RARG: variants seen among roughly 807,000 people sequenced by gnomAD.
RARG encodes the protein RAR-gamma.
Under a neutral mutation model 43.7 loss-of-function variants are expected in RARG, and 17 were observed. The observed-to-expected ratio is 0.39, with a 90% CI of 0.27 to 0.58. RARG has a LOEUF of 0.58. RARG is among the 20% of genes least tolerant of loss of function. The pLI, the probability that RARG is intolerant of heterozygous loss-of-function variation, is 0.57. For missense variants in RARG, 346 were observed against 598.7 expected, an observed-to-expected ratio of 0.58 and a Z score of 4.40; for synonymous variants, 238 against 236.4, an observed-to-expected ratio of 1.01 and a Z score of -0.06.
intron 3 of RARG, among the ~76,000 whole-genome samples, chr12:53,218,483 T>C (rs1942841403): frequency 6.6e-6 from 1 of 152,090 alleles, no homozygotes. Flanking sequence ...CTCCCCATCC[T>C]ATTGGGCAAT....
intron 2 of RARG, among the ~76,000 whole-genome samples, chr12:53,230,832 AGTGCGT>A (rs1565733093): frequency 1.4e-5 from 2 of 138,844 alleles, no homozygotes; most frequent in Non-Finnish European, 3.1e-5. Context: ...TGTAGGCCAC[AGTGCGT>A]GTGTGTGTGT....
At position 53,213,022 on chromosome 12, in the gene RARG, T is replaced by C. The variant is rs1942648716; in HGVS notation, c.1177+63A>G. ...CTGTTCTTGTCTCTGTGTGTCCTCC[T>C]GTCCGACCTGGGAGACCAACAGCCC... On this transcript the variant is annotated intron_variant, in intron 9 of 9. Coordinates refer to ENST00000425354, the MANE Select transcript of RARG (RefSeq NM_000966.6). The surrounding 1 kb of genome is among the most constrained non-coding windows in gnomAD (Gnocchi z 4.7). 1.3e-6 allele frequency: 2 copies of C among 1,516,588 alleles called. No individual in the cohort carries two copies. The highest frequency in any genetic ancestry group is 1.9e-5 in the Admixed American group (1 of 51,922). The allele number at this position is 1,516,588 out of a possible 1,614,324, so 93.9% of individuals were successfully genotyped here. A position where few individuals can be genotyped will look rare whatever the true frequency, so the allele number is the denominator to read the frequency against.
Position 53,214,153 on chromosome 12 carries a change from T to G in RARG, c.719A>C (p.Lys240Thr). ...FSELATKCII[K>T]IVEFAKRLPG... is the part of the protein sequence containing the mutation. ...CAACCGCTTGGCAAACTCCACGATC[T>G]TGATGATGCACTTGGTAGCCAGCTC... Residue 240 changes from lysine to threonine, a missense_variant, in exon 7 of 10, where the codon AAG becomes ACG. Coordinates refer to ENST00000425354, the MANE Select transcript of RARG (RefSeq NM_000966.6). 1 of 1,613,946 alleles carries G rather than the reference T, an allele frequency of 6.2e-7. No homozygotes were observed. Among genetic ancestry groups the G allele is most frequent in the Non-Finnish European group, 8.5e-7 (1 of 1,179,884 alleles).
intron 3 of RARG, among the ~76,000 whole-genome samples, chr12:53,219,444 A>G (rs1942883840): frequency 6.6e-6 from 1 of 152,090 alleles, no homozygotes; most frequent in Non-Finnish European, 1.5e-5. Flanking sequence ...CGCCACAAAC[A>G]TCCCCTCACA....
intron 5 of RARG, 184 bp from the exon 6 acceptor site, chr12:53,214,790 C>T: frequency 1.5e-6 from 1 of 657,906 alleles, no homozygotes; most frequent in South Asian, 2.6e-5. Flanking sequence ...TCTCCCCAGC[C>T]CCACCCAGGG....
intron 3 of RARG, chr12:53,220,034 C>T: frequency 6.5e-7 from 1 of 1,540,178 alleles, no homozygotes; most frequent in Non-Finnish European, 8.8e-7. Flanking sequence ...AGCAAGCCGG[C>T]CCCGGGCCCG....
intron 2 of RARG, among the ~76,000 whole-genome samples, chr12:53,228,617 G>A (rs1005930348): frequency 6.6e-6 from 1 of 152,142 alleles, no homozygotes; most frequent in Non-Finnish European, 1.5e-5. Flanking sequence ...TGTTGATGGA[G>A]CCCCCACTTG....
At chr12:53,222,970 CT>C (rs1346351194) in intron 3 of RARG, among the ~76,000 whole-genome samples, 2 of 152,190 alleles carry the variant, frequency 1.3e-5, no homozygotes, top group Non-Finnish European at 2.9e-5. Flanking sequence ...GCATACCCCC[CT>C]CCCAGCTAGA....
rs1942592709 is a variant in RARG, at chr12:53,211,699, C to T, written c.1342G>A (p.Gly448Arg). ...GGTCAGGCTGGGGACTTCAGGCCCCCTTTGCCCTGGCCCCCAGGAACCTCA... is the reference window on the plus strand; with the variant it reads ...GGTCAGGCTGGGGACTTCAGGCCCCTTTTGCCCTGGCCCCCAGGAACCTCA... ...EDEVPGGQGKGGLKSPA is the reference protein window; with the variant it reads ...EDEVPGGQGKRGLKSPA Residue 448 changes from glycine (G) to arginine (R), a missense_variant, in exon 10 of 10, where the codon GGG (glycine) becomes AGG (arginine). Transcript: ENST00000425354. This position sits in a 1 kb window ranked among gnomAD's most constrained non-coding sequence, Gnocchi z 4.6. 6.5e-7 allele frequency: 1 copy of T among 1,547,024 alleles called. No homozygotes were observed. Among genetic ancestry groups the T allele is most frequent in the African/African-American group, 1.4e-5 (1 of 70,980 alleles).
At chr12:53,220,074 G>A in intron 3 of RARG, 2 of 1,549,620 alleles carry the variant, frequency 1.3e-6, no homozygotes, top group East Asian at 2.5e-5. Context: ...GCGGACCCGG[G>A]GCAAACGTTT....
At chr12:53,225,406 A>C (rs1943083192) in intron 3 of RARG, among the ~76,000 whole-genome samples, 1 of 152,148 alleles carries the variant, frequency 6.6e-6, no homozygotes, top group African/African-American at 2.4e-5. Flanking sequence ...CTGGGCACAC[A>C]CAACTGCATC....
rs778173777 is a variant in RARG, at chr12:53,211,760, C to T, written c.1281G>A (p.Ser427=). The change falls in exon 10 of 10, where the codon TCG becomes TCA. Residue 427 remains serine (S), a synonymous_variant. Transcript: ENST00000425354. The surrounding 1 kb of genome is among the most constrained non-coding windows in gnomAD (Gnocchi z 4.6). ...ENPEMFEDDS[S]QPGPHPNASS... is the part of the protein sequence containing the mutation. The stretch of plus-strand genomic sequence containing the variant: ...AGGCATTGGGGTGGGGACCAGGCTG[C>T]GAGGAGTCATCCTCAAACATTTCAG... 2.6e-6 allele frequency: 4 copies of T among 1,568,418 alleles called. No homozygotes were observed. The highest frequency in any genetic ancestry group is 1.9e-5 in the Admixed American group (1 of 53,016).
Position 53,213,263 on chromosome 12 carries a change from G to A in RARG, c.1019-20C>T, listed in dbSNP as rs368633954. ...TGCGGTCTATGGGGACAAGTATACT[G>A]GAGTGAGAGGGGAAGGAAGAGATGG... On this transcript the variant is annotated intron_variant, in intron 8 of 9. Transcript: ENST00000425354. This position sits in a 1 kb window ranked among gnomAD's most constrained non-coding sequence, Gnocchi z 4.7. 1 of 1,543,960 alleles carries A rather than the reference G, an allele frequency of 6.5e-7. No individual in the cohort carries two copies. The highest frequency in any genetic ancestry group is 1.4e-5 in the African/African-American group (1 of 72,954).
In RARG at chr12:53,231,170, C is replaced by G. The variant is rs7487904; in HGVS notation, c.-144G>C. On this transcript the variant is annotated splice_region_variant and 5_prime_UTR_variant, in exon 2 of 10. Coordinates refer to ENST00000425354, the MANE Select transcript of RARG (RefSeq NM_000966.6). ...ACTAACAACCAAGCATCTTCTTACCCGCTGGCCGCCTGCAGAGACTGGCTT... is the reference window on the plus strand; with the variant it reads ...ACTAACAACCAAGCATCTTCTTACCGGCTGGCCGCCTGCAGAGACTGGCTT... The G allele has an allele frequency of 0.23, 35,437 of 152,338 alleles. 6,370 individuals carry two copies. Among genetic ancestry groups the G allele is most frequent in the African/African-American group, 0.49 (20,403 of 41,440 alleles). 9.4% of individuals were successfully genotyped at this position (152,338 alleles called of 1,614,324 possible).
chr12:53,221,011 C>T (rs538298652), intron 3 of RARG, among the ~76,000 whole-genome samples: 138 of 152,102 alleles, frequency 9.1e-4, no homozygotes, highest in Middle Eastern at 6.8e-3. Flanking sequence ...TCCTTCCCGT[C>T]TCCCCACCCG....
chr12:53,219,862 G>C, intron 3 of RARG: 3 of 1,251,678 alleles, frequency 2.4e-6, no homozygotes, highest in Non-Finnish European at 3.2e-6. Flanking sequence ...GCTCCTCCTT[G>C]CACCTCAGTT....
intron 3 of RARG, among the ~76,000 whole-genome samples, chr12:53,222,642 C>G (rs141366610): frequency 5.9e-5 from 9 of 152,164 alleles, no homozygotes; most frequent in Middle Eastern, 3.2e-3. Context: ...CACTCATCAC[C>G]CCATCTGTGT....
chr12:53,228,108 A>G (rs1943152182), intron 2 of RARG, among the ~76,000 whole-genome samples: 1 of 152,150 alleles, frequency 6.6e-6, no homozygotes, highest in African/African-American at 2.4e-5. Flanking sequence ...CAAGTGGGGG[A>G]GCCCAGATTC....
At chr12:53,212,870 A>G (rs750673350) in intron 9 of RARG, among the ~76,000 whole-genome samples, 7 of 152,048 alleles carry the variant, frequency 4.6e-5, no homozygotes, top group East Asian at 1.9e-4. Flanking sequence ...GCTAATGACT[A>G]TTGTATTCCC....
Sources: gnomAD v4.1 joint callset for allele counts (sites outside exome capture counted in the v4.1 genomes callset) on GRCh38, gnomAD v4.1.1 for gene constraint, Gnocchi (gnomAD v3.1) non-coding constraint, MANE v1.5 for transcripts, NCBI Gene and HGNC (gene_info 2026-07-23, HGNC 2026-07-21) for gene names.